Variants in PITPNM2 observed in about 807,000 individuals in gnomAD.
The protein encoded by PITPNM2 is membrane-associated phosphatidylinositol transfer protein 2.
A neutral mutation model predicts 132.2 loss-of-function variants in PITPNM2; 35 were observed. The observed-to-expected ratio is 0.26, with a 90% CI of 0.20 to 0.35. The LOEUF (loss-of-function observed/expected upper bound fraction) is 0.35. Ranked by LOEUF, PITPNM2 falls within the 10% of genes least tolerant of loss-of-function variation. The pLI is 1.00. For synonymous variants in PITPNM2, 738 were observed against 799.2 expected (o/e 0.92, Z 1.29); for missense variants, 1,332 against 1,912.0 (o/e 0.70, Z 5.66).
Position 123,083,490 on chromosome 12 carries a change from C to T in PITPNM2, c.-96+26895G>A, listed in dbSNP as rs1021799188. 6.6e-6 allele frequency: 1 copy of T among 152,274 alleles called. No individual in the cohort carries two copies. The highest frequency in any genetic ancestry group is 2.4e-5 in the African/African-American group (1 of 41,464). The allele number at this position is 152,274 out of a possible 1,614,324, so 9.4% of individuals were successfully genotyped here. The stretch of plus-strand genomic sequence containing the variant: ...TTTGGAACTGAAGCCACAGGCCTAC[C>T]ATCCCTGAGAGGTAGCGGTGCTCAG... On this transcript the variant is annotated intron_variant, in intron 2 of 25. Coordinates refer to ENST00000320201, the MANE Select transcript of PITPNM2 (RefSeq NM_020845.3). The surrounding 1 kb of genome is among the most constrained non-coding windows in gnomAD (Gnocchi z 4.5).
At chr12:123,050,849 C>T (rs1017303045) in intron 2 of PITPNM2, among the ~76,000 whole-genome samples, 2 of 152,160 alleles carry the variant, frequency 1.3e-5, no homozygotes, top group Non-Finnish European at 1.5e-5. Context: ...TCATCCTTCT[C>T]CAGGGAGGGA....
At position 122,997,513 on chromosome 12, in the gene PITPNM2, C is replaced by T. The variant is rs1356230374; in HGVS notation, c.1284G>A (p.Val428=). The T allele has an allele frequency of 1.9e-6, 3 of 1,613,232 alleles. No individual in the cohort carries two copies. Among genetic ancestry groups the T allele is most frequent in the Non-Finnish European group, 2.5e-6 (3 of 1,179,936 alleles). ...PPSKIHVLLL[V]LHGGTILDTG... ...TGTCCAGGATGGTGCCTCCGTGCAG[C>T]ACCAGTAGCAGCACGTGGATCTTGG... is the stretch of plus-strand genomic sequence containing the variant. The change falls in exon 11 of 26, where the codon GTG becomes GTA. Residue 428 remains valine (V), a synonymous_variant. Coordinates refer to ENST00000320201, the MANE Select transcript of PITPNM2 (RefSeq NM_020845.3).
Position 123,108,548 on chromosome 12 carries a change from T to C in PITPNM2, c.-96+1837A>G, listed in dbSNP as rs1279644194. Among the ~76,000 whole-genome samples, 1 of 152,126 alleles carries C rather than the reference T, an allele frequency of 6.6e-6. No individual in the cohort carries two copies. Among genetic ancestry groups the C allele is most frequent in the Non-Finnish European group, 1.5e-5 (1 of 68,024 alleles). On this transcript the variant is annotated intron_variant, in intron 2 of 25. Coordinates refer to ENST00000320201, the MANE Select transcript of PITPNM2 (RefSeq NM_020845.3). The surrounding 1 kb of genome is among the most constrained non-coding windows in gnomAD (Gnocchi z 4.4). ...AACCCCGCAGAACCCGAGTGACCCC[T>C]GGAGAAGCTGCAAGTCAGGGCTGAG... is the stretch of plus-strand genomic sequence containing the variant.
chr12:123,010,260 C>A (rs1330893824), intron 5 of PITPNM2, among the ~76,000 whole-genome samples, 183 bp from the exon 6 acceptor site: 1 of 152,206 alleles, frequency 6.6e-6, no homozygotes, highest in Non-Finnish European at 1.5e-5. Flanking sequence ...GTGGGGCCTG[C>A]AGTTTCCTTG....
intron 2 of PITPNM2, among the ~76,000 whole-genome samples, chr12:123,070,851 A>G (rs954449893): frequency 1.3e-5 from 2 of 152,140 alleles, no homozygotes; most frequent in African/African-American, 2.4e-5. Flanking sequence ...CATCTGCCCA[A>G]CTCAGAGAAT....
At position 122,986,659 on chromosome 12, in the gene PITPNM2, A is replaced by G; in HGVS notation, c.3584T>C (p.Leu1195Pro). 6.2e-7 allele frequency: 1 copy of G among 1,612,610 alleles called. No homozygotes were observed. The highest frequency in any genetic ancestry group is 8.5e-7 in the Non-Finnish European group (1 of 1,179,532). Residue 1195 changes from leucine (L) to proline (P), a missense_variant, in exon 24 of 26, where the codon CTG (leucine) becomes CCG (proline). This residue lies in a region of PITPNM2 where 251 missense variants were observed against 472.0 expected (regional missense o/e 0.53). Transcript: ENST00000320201. ...PLRHKANFLKLLISELHLRVH... is the reference protein window; with the variant it reads ...PLRHKANFLKPLISELHLRVH... The stretch of plus-strand genomic sequence containing the variant: ...CCCGGGCCCCACCTCGGAGATGAGC[A>G]GCTTCAGGAAGTTGGCCTTGTGCCG...
intron 2 of PITPNM2, among the ~76,000 whole-genome samples, chr12:123,055,319 T>C (rs762321167): frequency 1.3e-5 from 2 of 152,192 alleles, no homozygotes; most frequent in African/African-American, 2.4e-5. Flanking sequence ...TTTCATCATG[T>C]GCAGACTCTT....
chr12:123,080,521 C>T (rs1167820166), intron 2 of PITPNM2, among the ~76,000 whole-genome samples: 1 of 152,224 alleles, frequency 6.6e-6, no homozygotes, highest in Non-Finnish European at 1.5e-5. Flanking sequence ...TCCACTAAAG[C>T]AATGCTCCCC....
intron 1 of PITPNM2, among the ~76,000 whole-genome samples, chr12:123,124,514 C>G (rs908207139): frequency 6.6e-6 from 1 of 152,094 alleles, no homozygotes; most frequent in Non-Finnish European, 1.5e-5. Context: ...AACTAGCAAC[C>G]ATCACTGTCT....
chr12:123,073,984 A>C (rs1021071946), intron 2 of PITPNM2, among the ~76,000 whole-genome samples: 2 of 152,348 alleles, frequency 1.3e-5, no homozygotes, highest in African/African-American at 4.8e-5. Flanking sequence ...GCACCCGCTG[A>C]AGGACAAGGG....
chr12:123,068,621 A>T (rs1346249108), intron 2 of PITPNM2, among the ~76,000 whole-genome samples: 1 of 152,170 alleles, frequency 6.6e-6, no homozygotes, highest in Non-Finnish European at 1.5e-5. Flanking sequence ...CAGCCCCCTA[A>T]CCCCAAGGGG....
At chr12:123,027,142 T>C (rs2136380163) in intron 3 of PITPNM2, among the ~76,000 whole-genome samples, 1 of 152,098 alleles carries the variant, frequency 6.6e-6, no homozygotes, top group South Asian at 2.1e-4. Context: ...CATCTCTCGG[T>C]GGGGCAGGTG....
At chr12:123,074,856 T>G (rs576143033) in intron 2 of PITPNM2, among the ~76,000 whole-genome samples, 1 of 152,332 alleles carries the variant, frequency 6.6e-6, no homozygotes, top group Admixed American at 6.5e-5. Context: ...AGGCAGCTCT[T>G]TCCAGAAGTG....
chr12:123,113,604 G>C (rs897698327), intron 1 of PITPNM2, among the ~76,000 whole-genome samples: 1 of 152,176 alleles, frequency 6.6e-6, no homozygotes, highest in Non-Finnish European at 1.5e-5. Flanking sequence ...AGGAGGCTGA[G>C]TTGGGAGGGT....
chr12:123,041,927 C>T lies in PITPNM2; in HGVS notation c.-95-7242G>A, dbSNP rs566659964. Among the ~76,000 whole-genome samples the T allele has an allele frequency of 3.9e-5, 6 of 152,164 alleles. No individual in the cohort carries two copies. The East Asian group carries it at 9.7e-4, about 25-fold the overall frequency. Reference sequence around the variant, plus strand: ...TTCAGGTTCCAGACCCTGGCATTCACGACCCTAGAAAGAACCCCCAGCCCC... The same window carrying T: ...TTCAGGTTCCAGACCCTGGCATTCATGACCCTAGAAAGAACCCCCAGCCCC... On this transcript the variant is annotated intron_variant, in intron 2 of 25. Coordinates refer to ENST00000320201, the MANE Select transcript of PITPNM2 (RefSeq NM_020845.3).
Position 123,108,010 on chromosome 12 carries a change from T to C in PITPNM2, c.-96+2375A>G, listed in dbSNP as rs2042756327. Reference sequence around the variant, plus strand: ...AAAGAAATTTAGAGGAAAGGAGCTGTTTGAAATGGGCTTGGAAGGTGAAAC... The same window carrying C: ...AAAGAAATTTAGAGGAAAGGAGCTGCTTGAAATGGGCTTGGAAGGTGAAAC... On this transcript the variant is annotated intron_variant, in intron 2 of 25. Transcript: ENST00000320201. This position sits in a 1 kb window ranked among gnomAD's most constrained non-coding sequence, Gnocchi z 4.4. Among the ~76,000 whole-genome samples the C allele has an allele frequency of 6.6e-6, 1 of 152,126 alleles. No individual in the cohort carries two copies. Among genetic ancestry groups the C allele is most frequent in the African/African-American group, 2.4e-5 (1 of 41,406 alleles).
Position 123,000,452 on chromosome 12 carries a change from G to C in PITPNM2, c.1224+326C>G. 1.4e-6 allele frequency: 1 copy of C among 702,958 alleles called. No homozygotes were observed. The highest frequency in any genetic ancestry group is 2.6e-6 in the Non-Finnish European group (1 of 384,976). The allele number at this position is 702,958 out of a possible 1,614,324, so 43.5% of individuals were successfully genotyped here. A position where few individuals can be genotyped will look rare whatever the true frequency, so the allele number is the denominator to read the frequency against. On this transcript the variant is annotated intron_variant, in intron 10 of 25. Coordinates refer to ENST00000320201, the MANE Select transcript of PITPNM2 (RefSeq NM_020845.3). The surrounding 1 kb of genome is among the most constrained non-coding windows in gnomAD (Gnocchi z 5.4). Reference sequence around the variant, plus strand: ...TCTTCAGGGACAGCAGACAGGCTGGGCACAAGGTGAAGATCTTATTTTTGA... The same window carrying C: ...TCTTCAGGGACAGCAGACAGGCTGGCCACAAGGTGAAGATCTTATTTTTGA...
At position 123,117,034 on chromosome 12, in the gene PITPNM2, C is replaced by T. The variant is rs941498393; in HGVS notation, c.-199-6546G>A. On this transcript the variant is annotated intron_variant, in intron 1 of 25. Transcript: ENST00000320201. This position sits in a 1 kb window ranked among gnomAD's most constrained non-coding sequence, Gnocchi z 4.7. ...TTTTGCATCACTATGTTTGGACGTA[C>T]TCTGTTAAGCAGCAATAGGTAACTG... is the stretch of plus-strand genomic sequence containing the variant. Among the ~76,000 whole-genome samples, 5 of 152,236 alleles carry T rather than the reference C, an allele frequency of 3.3e-5. No individual in the cohort carries two copies. The highest frequency in any genetic ancestry group is 6.5e-5 in the Admixed American group (1 of 15,280).
chr12:123,110,971 T>C (rs974410356), intron 1 of PITPNM2, among the ~76,000 whole-genome samples: 5 of 151,984 alleles, frequency 3.3e-5, no homozygotes, highest in Non-Finnish European at 7.4e-5. Flanking sequence ...TATTGTGGGG[T>C]GATGCAAATG....
Sources: gnomAD v4.1 joint callset for allele counts (sites outside exome capture counted in the v4.1 genomes callset) on GRCh38, gnomAD v4.1.1 for gene constraint, gnomAD v4.1.1 regional missense constraint, Gnocchi (gnomAD v3.1) non-coding constraint, MANE v1.5 for transcripts, NCBI Gene and HGNC (gene_info 2026-07-23, HGNC 2026-07-21) for gene names.